Variants in WDPCP observed in about 807,000 individuals in gnomAD.
WDPCP encodes WD repeat-containing and planar cell polarity effector protein fritz homolog.
A neutral mutation model predicts 93.1 loss-of-function variants in WDPCP; 71 were observed. The ratio of observed to expected loss-of-function variants is 0.76; its 90% CI spans 0.63 to 0.93. The LOEUF is 0.93. WDPCP is among the 40% of genes least tolerant of loss of function. WDPCP has a pLI of 0.00. For synonymous variants in WDPCP, 315 were observed against 315.0 expected, an observed-to-expected ratio of 1.00 and a Z score of 0.00; for missense variants, 844 against 887.4, an observed-to-expected ratio of 0.95 and a Z score of 0.62.
chr2:63,358,402 C>A (rs1690182717), intron 12 of WDPCP, among the ~76,000 whole-genome samples: 1 of 151,980 alleles, frequency 6.6e-6, no homozygotes. Context: ...GGATACAACA[C>A]TCCAGAAATA....
intron 3 of WDPCP, among the ~76,000 whole-genome samples, chr2:63,605,621 G>C (rs963918919): frequency 6.6e-6 from 1 of 152,192 alleles, no homozygotes; most frequent in African/African-American, 2.4e-5. Context: ...GGTTAAAGGA[G>C]ATTGCACATG....
At chr2:63,148,751 G>T (rs555978723) in intron 17 of WDPCP, among the ~76,000 whole-genome samples, 1 of 152,182 alleles carries the variant, frequency 6.6e-6, no homozygotes, top group Admixed American at 6.5e-5. Flanking sequence ...TAGATTCTAG[G>T]TGTAAGACAG....
chr2:63,447,429 C>T (rs531802965), intron 6 of WDPCP, among the ~76,000 whole-genome samples: 1 of 152,174 alleles, frequency 6.6e-6, no homozygotes, highest in Non-Finnish European at 1.5e-5. Context: ...CTTAAAATAT[C>T]TGGCCACAAA....
At chr2:63,728,174 G>C (rs1005937804) in intron 2 of WDPCP, among the ~76,000 whole-genome samples, 1 of 152,200 alleles carries the variant, frequency 6.6e-6, no homozygotes, top group African/African-American at 2.4e-5. Context: ...AAAGAAGTTA[G>C]AGGAAGATTG....
At chr2:63,429,976 T>TAC (rs199517613) in intron 9 of WDPCP, among the ~76,000 whole-genome samples, 5,005 of 137,310 alleles carry the variant, frequency 0.036, 102 homozygotes, top group Middle Eastern at 0.08. Flanking sequence ...GAAAATGTTA[T>TAC]ACACACACAC....
chr2:63,420,565 CATAG>C (rs1695784311), intron 9 of WDPCP, among the ~76,000 whole-genome samples: 1 of 151,082 alleles, frequency 6.6e-6, no homozygotes, highest in Admixed American at 6.6e-5. Flanking sequence ...AAAGAAATAT[CATAG>C]ATAAAGTTAA....
intron 2 of WDPCP, among the ~76,000 whole-genome samples, chr2:63,749,482 T>C (rs570111451): frequency 6.6e-6 from 1 of 152,190 alleles, no homozygotes; most frequent in Admixed American, 6.5e-5. Flanking sequence ...TGAGTACCCA[T>C]ACAACCATTC....
chr2:63,282,807 A>G (rs1208136419), intron 13 of WDPCP, among the ~76,000 whole-genome samples: 2 of 152,200 alleles, frequency 1.3e-5, no homozygotes, highest in Non-Finnish European at 2.9e-5. Context: ...CCCACCCCCA[A>G]GAATACCAAA....
rs138013682 is a variant in WDPCP, at chr2:63,500,009, C to T, written c.76-7069G>A. ...TTCTTAAACTGTGATTCAACTTCTT[C>T]ATCCTGTCAAAGGACCCATGAATAC... On this transcript the variant is annotated intron_variant, in intron 1 of 17. Transcript: ENST00000272321. Among the ~76,000 whole-genome samples the T allele has an allele frequency of 3.3e-5, 5 of 152,320 alleles. 1 individual carries two copies. The South Asian group carries it at 8.3e-4, about 25-fold the overall frequency.
intron 14 of WDPCP, among the ~76,000 whole-genome samples, chr2:63,185,877 G>A (rs1172623149): frequency 1.3e-5 from 2 of 151,926 alleles, no homozygotes; most frequent in Admixed American, 6.6e-5. Context: ...GGGCAGAGCT[G>A]GACCAGGCAA....
At chr2:63,693,439 TTAGATAGATAGATAGATAGA>T (rs55755279) in intron 2 of WDPCP, among the ~76,000 whole-genome samples, 19 of 145,530 alleles carry the variant, frequency 1.3e-4, no homozygotes, top group African/African-American at 5.1e-5. Flanking sequence ...GATATAGATA[TTAGATAGATAGATAGATAGA>T]TAGATAGATA....
At chr2:63,492,477 T>C (rs981346665) in intron 2 of WDPCP, among the ~76,000 whole-genome samples, 3 of 150,046 alleles carry the variant, frequency 2.0e-5, no homozygotes, top group East Asian at 1.9e-4. Flanking sequence ...ATATGTATCT[T>C]TTTTTTTTAC....
At chr2:63,590,410 C>T (rs1293655086), upstream of WDPCP, 1 of 152,100 alleles carries the variant, frequency 6.6e-6, no homozygotes, top group East Asian at 1.9e-4. Flanking sequence ...TAGGGACCAC[C>T]GCAGTGAGGT....
intron 1 of WDPCP, among the ~76,000 whole-genome samples, chr2:63,545,331 G>A (rs959321904): frequency 1.3e-5 from 2 of 151,704 alleles, no homozygotes; most frequent in African/African-American, 4.8e-5. Flanking sequence ...GTATGTGTGT[G>A]TGTGTGAGAG....
chr2:63,392,067 T>G lies in WDPCP; in HGVS notation c.1436-9973A>C, dbSNP rs1168959889. 3.3e-5 allele frequency among the ~76,000 whole-genome samples: 5 copies of G among 152,208 alleles called. No homozygotes were observed. In the South Asian group the frequency reaches 6.2e-4, roughly 19 times the overall value. ...GTTCATATGGAACCAAAAAAGAGCT[T>G]GCATTGCCAAGACAATCCTAAGCAA... On this transcript the variant is annotated intron_variant, in intron 10 of 17. Coordinates refer to ENST00000272321, the MANE Select transcript of WDPCP (RefSeq NM_015910.7).
At chr2:63,770,436 T>C (rs1209403007) in intron 2 of WDPCP, among the ~76,000 whole-genome samples, 2 of 151,988 alleles carry the variant, frequency 1.3e-5, no homozygotes, top group Non-Finnish European at 2.9e-5. Flanking sequence ...TGAAGCATAT[T>C]AAATTATCTG....
chr2:63,751,186 A>G (rs1000166008), intron 2 of WDPCP, among the ~76,000 whole-genome samples: 2 of 152,196 alleles, frequency 1.3e-5, no homozygotes, highest in African/African-American at 4.8e-5. Context: ...TGACTTTGGT[A>G]AATTGCATTT....
intron 7 of WDPCP, chr2:63,437,985 C>T (rs545336093): frequency 7.4e-7 from 1 of 1,352,270 alleles, no homozygotes; most frequent in Non-Finnish European, 9.6e-7. Flanking sequence ...TGTTCTCTAC[C>T]AGTCTATTTA....
intron 14 of WDPCP, among the ~76,000 whole-genome samples, chr2:63,206,943 T>C (rs1187633338): frequency 6.6e-6 from 1 of 152,210 alleles, no homozygotes; most frequent in African/African-American, 2.4e-5. Flanking sequence ...TGAACTTCTT[T>C]TTAATCTTGC....
Sources: allele counts gnomAD v4.1 joint callset (sites outside exome capture counted in the v4.1 genomes callset), GRCh38; gene constraint gnomAD v4.1.1; transcripts MANE v1.5; gene names NCBI Gene and HGNC (gene_info 2026-07-23, HGNC 2026-07-21).